Variants in EPHA5 observed in about 807,000 individuals in gnomAD.
EPHA5 encodes ephrin type-A receptor 5.
In EPHA5, 60 loss-of-function variants were observed where a neutral mutation model predicts 105.0. The observed-to-expected ratio is 0.57, with a 90% CI of 0.46 to 0.71. The LOEUF (loss-of-function observed/expected upper bound fraction) is 0.71. EPHA5 is among the 30% of genes least tolerant of loss of function. The pLI, the probability that EPHA5 is intolerant of heterozygous loss-of-function variation, is 0.00. For synonymous variants in EPHA5, 513 were observed against 449.1 expected (o/e 1.14, Z -1.80); for missense variants, 1,218 against 1,274.7 (o/e 0.96, Z 0.68).
intron 3 of EPHA5, among the ~76,000 whole-genome samples, chr4:65,539,054 G>C (rs756418018): frequency 6.6e-6 from 1 of 151,612 alleles, no homozygotes; most frequent in Non-Finnish European, 1.5e-5. Flanking sequence ...TTGTTACAGA[G>C]AGCAGCCTGC....
At chr4:65,483,374 C>T (rs949892304) in intron 5 of EPHA5, among the ~76,000 whole-genome samples, 1 of 152,020 alleles carries the variant, frequency 6.6e-6, no homozygotes, top group African/African-American at 2.4e-5. Context: ...GGGTATATAC[C>T]CAGTAATGGG....
chr4:65,361,886 T>C (rs899988261), intron 11 of EPHA5, among the ~76,000 whole-genome samples: 2 of 151,598 alleles, frequency 1.3e-5, no homozygotes, highest in Non-Finnish European at 3.0e-5. Context: ...TGGATAATAA[T>C]TTTCCACTGA....
At chr4:65,356,943 G>A (rs1723357852) in intron 11 of EPHA5, among the ~76,000 whole-genome samples, 1 of 151,258 alleles carries the variant, frequency 6.6e-6, no homozygotes, top group Admixed American at 6.6e-5. Flanking sequence ...ACAAAGACTA[G>A]ATCTGCCAAT....
intron 6 of EPHA5, among the ~76,000 whole-genome samples, chr4:65,414,903 C>A (rs1208597175): frequency 2.6e-5 from 4 of 152,122 alleles, no homozygotes; most frequent in Admixed American, 1.3e-4. Context: ...AATTCAATTT[C>A]TAATTGTATT....
At chr4:65,418,489 T>C (rs927660169) in intron 6 of EPHA5, among the ~76,000 whole-genome samples, 2 of 152,162 alleles carry the variant, frequency 1.3e-5, no homozygotes. Flanking sequence ...CATAACTTTG[T>C]CTCAGAGGTA....
chr4:65,631,315 A>G (rs1398590737), intron 2 of EPHA5, among the ~76,000 whole-genome samples: 1 of 152,186 alleles, frequency 6.6e-6, no homozygotes, highest in Non-Finnish European at 1.5e-5. Context: ...GTTTATATAC[A>G]TAATACCAAG....
At chr4:65,376,956 G>A (rs758809878) in intron 8 of EPHA5, 4 of 1,538,434 alleles carry the variant, frequency 2.6e-6, no homozygotes, top group East Asian at 4.6e-5. Context: ...AATACATATA[G>A]GTGGACATCA....
At chr4:65,493,471 T>C (rs1578246462) in intron 4 of EPHA5, among the ~76,000 whole-genome samples, 1 of 152,336 alleles carries the variant, frequency 6.6e-6, no homozygotes, top group East Asian at 1.9e-4. Context: ...GATCTTCATC[T>C]GAACATCTAT....
chr4:65,584,231 A>C (rs1300424271), intron 3 of EPHA5, among the ~76,000 whole-genome samples: 2 of 151,790 alleles, frequency 1.3e-5, no homozygotes, highest in African/African-American at 4.8e-5. Flanking sequence ...AATTTCTTCA[A>C]AATATAATGT....
In EPHA5 at chr4:65,511,016, A is replaced by G. The variant is rs181472777; in HGVS notation, c.911-15473T>C. Among the ~76,000 whole-genome samples the G allele has an allele frequency of 8.1e-4, 123 of 152,266 alleles. 3 individuals carry two copies. The South Asian group carries it at 0.013, about 17-fold the overall frequency. ...CTCTCTCTGTCTCTCCACCTGTATCACTGAAGAATGGCCAGGTGAGGACAC... is the reference window on the plus strand; with the variant it reads ...CTCTCTCTGTCTCTCCACCTGTATCGCTGAAGAATGGCCAGGTGAGGACAC... On this transcript the variant is annotated intron_variant, in intron 3 of 16. Coordinates refer to ENST00000613740, the MANE Select transcript of EPHA5 (RefSeq NM_001281766.3).
chr4:65,642,266 TG>T, intron 2 of EPHA5, among the ~76,000 whole-genome samples: 1 of 152,200 alleles, frequency 6.6e-6, no homozygotes, highest in South Asian at 2.1e-4. Context: ...CATAGACAGA[TG>T]TTAGCCAGGC....
At chr4:65,472,149 A>T (rs1162205314) in intron 5 of EPHA5, among the ~76,000 whole-genome samples, 1 of 152,148 alleles carries the variant, frequency 6.6e-6, no homozygotes, top group Non-Finnish European at 1.5e-5. Flanking sequence ...CGAAGGGGCC[A>T]CAGGTCCCAG....
At chr4:65,481,948 C>A (rs1030356795) in intron 5 of EPHA5, among the ~76,000 whole-genome samples, 1 of 152,110 alleles carries the variant, frequency 6.6e-6, no homozygotes, top group Admixed American at 6.5e-5. Flanking sequence ...TTTTAATATA[C>A]AAGGAATTCA....
At chr4:65,642,384 T>C (rs1747743538) in intron 2 of EPHA5, among the ~76,000 whole-genome samples, 1 of 152,042 alleles carries the variant, frequency 6.6e-6, no homozygotes, top group African/African-American at 2.4e-5. Flanking sequence ...AGTATACATG[T>C]TATCATCTTG....
intron 3 of EPHA5, among the ~76,000 whole-genome samples, chr4:65,576,525 C>T (rs1279281217): frequency 6.6e-6 from 1 of 152,094 alleles, no homozygotes; most frequent in Non-Finnish European, 1.5e-5. Flanking sequence ...AGCTGTTAAG[C>T]CTCAAAAAGC....
At chr4:65,644,078 T>C (rs1362914596) in intron 1 of EPHA5, among the ~76,000 whole-genome samples, 1 of 152,014 alleles carries the variant, frequency 6.6e-6, no homozygotes, top group African/African-American at 2.4e-5. Flanking sequence ...GATATGACCA[T>C]AGTCTAAAAA....
chr4:65,592,048 G>A (rs975655704), intron 3 of EPHA5, among the ~76,000 whole-genome samples: 8 of 151,714 alleles, frequency 5.3e-5, no homozygotes, highest in African/African-American at 1.9e-4. Context: ...TTTTGTATTT[G>A]GCATGGTATA....
intron 8 of EPHA5, among the ~76,000 whole-genome samples, chr4:65,382,822 G>A (rs2148933718): frequency 1.3e-5 from 2 of 151,724 alleles, no homozygotes; most frequent in Admixed American, 1.3e-4. Context: ...TGATCCAAGA[G>A]ATACTCAATA....
chr4:65,566,785 T>TC (rs1739581497), intron 3 of EPHA5, among the ~76,000 whole-genome samples: 1 of 151,800 alleles, frequency 6.6e-6, no homozygotes. Context: ...TACATTTTTT[T>TC]CTCCCCCAAA....
Sources: allele counts gnomAD v4.1 joint callset (sites outside exome capture counted in the v4.1 genomes callset), GRCh38; gene constraint gnomAD v4.1.1; transcripts MANE v1.5; gene names NCBI Gene and HGNC (gene_info 2026-07-23, HGNC 2026-07-21).